Variants in MTMR3 observed in about 807,000 individuals in gnomAD.
MTMR3 encodes the protein myotubularin related protein 3.
In MTMR3, 32 loss-of-function variants were observed where a neutral mutation model predicts 132.4. The ratio of observed to expected loss-of-function variants is 0.24; its 90% CI spans 0.18 to 0.32. The LOEUF (loss-of-function observed/expected upper bound fraction) is 0.32, where lower values mean the gene tolerates loss of function less well. Ranked by LOEUF, MTMR3 falls within the 10% of genes least tolerant of loss-of-function variation. The pLI is 1.00. For synonymous variants in MTMR3, 556 were observed against 550.3 expected (o/e 1.01, Z -0.14); for missense variants, 1,216 against 1,489.6 (o/e 0.82, Z 3.02).
At chr22:29,896,873 A>T (rs866312190) in intron 1 of MTMR3, among the ~76,000 whole-genome samples, 3 of 147,498 alleles carry the variant, frequency 2.0e-5, no homozygotes, top group Non-Finnish European at 3.0e-5. Flanking sequence ...CTTGTCTCAC[A>T]CACACACACA....
chr22:29,893,830 A>C (rs1807513), intron 1 of MTMR3, among the ~76,000 whole-genome samples: 53,515 of 151,918 alleles, frequency 0.35, 10,401 homozygotes, highest in East Asian at 0.71. Context: ...TATACGTAGG[A>C]AAAACTGCTA....
chr22:29,994,641 TTAATC>T (rs1369715944), intron 7 of MTMR3: 1 of 152,200 alleles, frequency 6.6e-6, no homozygotes, highest in Admixed American at 6.5e-5. Flanking sequence ...GGAAGTTAGT[TTAATC>T]TTATAGCAGT....
At chr22:29,978,180 A>G (rs2066666949) in intron 3 of MTMR3, 2 of 258,114 alleles carry the variant, frequency 7.7e-6, no homozygotes, top group Non-Finnish European at 1.5e-5. Flanking sequence ...AAGAAAAAAA[A>G]GTATTAAGAA....
intron 1 of MTMR3, among the ~76,000 whole-genome samples, chr22:29,945,190 A>G (rs935177756): frequency 1.3e-5 from 2 of 151,956 alleles, no homozygotes; most frequent in African/African-American, 4.8e-5. Context: ...TTTTTCATAG[A>G]GGTGGGATTT....
At chr22:29,943,381 GAT>G (rs1175612355) in intron 1 of MTMR3, among the ~76,000 whole-genome samples, 4 of 151,960 alleles carry the variant, frequency 2.6e-5, no homozygotes, top group Non-Finnish European at 1.5e-5. Flanking sequence ...TTTTAGTAGA[GAT>G]AGGGTTTCAC....
chr22:30,019,518 C>A lies in MTMR3; in HGVS notation c.1859C>A (p.Ala620Asp). The A allele has an allele frequency of 6.2e-7, 1 of 1,610,296 alleles. No individual in the cohort carries two copies. The highest frequency in any genetic ancestry group is 8.5e-7 in the Non-Finnish European group (1 of 1,179,956). The change falls in exon 17 of 20, where the codon GCC becomes GAC. Residue 620 changes from alanine (A) to aspartate (D), a missense_variant. Transcript: ENST00000401950. Reference sequence around the variant, plus strand: ...AGATCATACGACAATCTGACCACAGCCTGTGACAACACAGTGCCTCTGGCC... The same window carrying A: ...AGATCATACGACAATCTGACCACAGACTGTGACAACACAGTGCCTCTGGCC... ...KTRSYDNLTT[A>D]CDNTVPLASR...
chr22:29,911,455 G>A (rs1361556332), intron 1 of MTMR3, among the ~76,000 whole-genome samples: 1 of 152,020 alleles, frequency 6.6e-6, no homozygotes, highest in African/African-American at 2.4e-5. Flanking sequence ...ACATGGGAGG[G>A]TCCCTTGAGT....
intron 1 of MTMR3, among the ~76,000 whole-genome samples, chr22:29,950,508 T>C (rs1219248883): frequency 6.6e-6 from 1 of 151,998 alleles, no homozygotes; most frequent in Admixed American, 6.6e-5. Flanking sequence ...GGATTACAGA[T>C]GCACACCACC....
At chr22:29,966,136 T>C (rs958894304) in intron 2 of MTMR3, among the ~76,000 whole-genome samples, 1 of 152,210 alleles carries the variant, frequency 6.6e-6, no homozygotes, top group African/African-American at 2.4e-5. Flanking sequence ...GTTTCAGAGG[T>C]ACTCCTACTC....
At chr22:29,990,351 ATAT>A (rs1188371285) in intron 6 of MTMR3, 1 of 152,180 alleles carries the variant, frequency 6.6e-6, no homozygotes, top group African/African-American at 2.4e-5. Context: ...GTGTCAGTAA[ATAT>A]TATGTGTTGG....
At chr22:29,910,176 G>A (rs1015285213) in intron 1 of MTMR3, among the ~76,000 whole-genome samples, 1 of 150,860 alleles carries the variant, frequency 6.6e-6, no homozygotes, top group Non-Finnish European at 1.5e-5. Flanking sequence ...AAAAAAAAAA[G>A]AAAGTGGGCC....
At chr22:30,021,891 G>A in intron 17 of MTMR3, 138 bp from the exon 18 acceptor site, 1 of 658,044 alleles carries the variant, frequency 1.5e-6, no homozygotes, top group East Asian at 2.7e-5. Flanking sequence ...GTTCTTGATG[G>A]CTGATGCATC....
intron 1 of MTMR3, among the ~76,000 whole-genome samples, chr22:29,944,066 G>T (rs551414994): frequency 6.6e-6 from 1 of 151,950 alleles, no homozygotes; most frequent in South Asian, 2.1e-4. Flanking sequence ...TGATCCTCCC[G>T]CCTTGGCATC....
At chr22:29,934,068 ACT>A (rs2065699639) in intron 1 of MTMR3, among the ~76,000 whole-genome samples, 2 of 152,132 alleles carry the variant, frequency 1.3e-5, no homozygotes, top group Non-Finnish European at 2.9e-5. Flanking sequence ...TGAAAATTAA[ACT>A]CTAGCTGGGC....
chr22:30,003,014 C>A, intron 9 of MTMR3, 21 bp downstream of exon 9: 1 of 1,587,044 alleles, frequency 6.3e-7, no homozygotes. Context: ...CTGGACCAGT[C>A]CCAGCTTGGG....
At chr22:29,958,202 A>G (rs2066239308) in intron 2 of MTMR3, among the ~76,000 whole-genome samples, 1 of 152,188 alleles carries the variant, frequency 6.6e-6, no homozygotes, top group African/African-American at 2.4e-5. Context: ...TGTCCTTTTC[A>G]TAGACCTTTG....
chr22:30,009,226 A>G, intron 12 of MTMR3, 97 bp downstream of exon 12: 1 of 844,662 alleles, frequency 1.2e-6, no homozygotes. Flanking sequence ...AAAAAAATTA[A>G]TTTGGAGCAG....
intron 3 of MTMR3, among the ~76,000 whole-genome samples, chr22:29,975,204 G>T (rs1298202187): frequency 6.6e-6 from 1 of 152,128 alleles, no homozygotes; most frequent in Admixed American, 6.5e-5. Context: ...CCCCAAGAGG[G>T]TTTGTTTATG....
Position 30,017,997 on chromosome 22 carries a change from C to G in MTMR3, c.1745C>G (p.Pro582Arg), listed in dbSNP as rs1210647098. ...GCAGTGTACCTGCCCTGCCCATCCC[C>G]AACCACCCCTGTGGACGACAGCTGT... Reference protein sequence around the residue: ...WSAVYLPCPSPTTPVDDSCAP... With the variant: ...WSAVYLPCPSRTTPVDDSCAP... The change falls in exon 16 of 20, where the codon CCA becomes CGA. Residue 582 changes from proline (P) to arginine (R), a missense_variant. Pro to Arg is a moderately radical substitution (Grantham distance 103). Coordinates refer to ENST00000401950, the MANE Select transcript of MTMR3 (RefSeq NM_021090.4). 15 of 1,613,842 alleles carry G rather than the reference C, an allele frequency of 9.3e-6. No homozygotes were observed. Among genetic ancestry groups the G allele is most frequent in the Non-Finnish European group, 1.2e-5 (14 of 1,179,988 alleles).
Sources: gnomAD v4.1 joint callset for allele counts (sites outside exome capture counted in the v4.1 genomes callset) on GRCh38, gnomAD v4.1.1 for gene constraint, MANE v1.5 for transcripts, NCBI Gene and HGNC (gene_info 2026-07-23, HGNC 2026-07-21) for gene names.